CPED1: variants seen among roughly 807,000 people sequenced by gnomAD.
CPED1 encodes cadherin like and PC-esterase domain containing 1, also known as cadherin-like and PC-esterase domain-containing protein 1.
A neutral mutation model predicts 128.2 loss-of-function variants in CPED1; 114 were observed. The ratio of observed to expected loss-of-function variants is 0.89; its 90% confidence interval spans 0.76 to 1.04. The LOEUF (loss-of-function observed/expected upper bound fraction) is 1.04, where lower values mean the gene tolerates loss of function less well. CPED1 is among the 50% of genes least tolerant of loss of function. The pLI is 0.00. For missense variants in CPED1, 1,211 were observed against 1,207.1 expected (o/e 1.00, Z -0.05); for synonymous variants, 462 against 426.7 (o/e 1.08, Z -1.02).
intron 16 of CPED1, among the ~76,000 whole-genome samples, chr7:121,189,553 G>C (rs1797079841): frequency 1.3e-5 from 2 of 151,680 alleles, no homozygotes; most frequent in Non-Finnish European, 1.5e-5. Context: ...CCAACACTGG[G>C]TATTACAATT....
intron 22 of CPED1, among the ~76,000 whole-genome samples, chr7:121,274,232 A>G (rs1792289698): frequency 6.6e-6 from 1 of 152,144 alleles, no homozygotes. Flanking sequence ...AGTTCACATT[A>G]ATAGCCATGG....
Position 121,239,263 on chromosome 7 carries a change from TC to T in CPED1, c.2173+2433del, listed in dbSNP as rs1375189144. 3.3e-5 allele frequency among the ~76,000 whole-genome samples: 5 copies of T among 152,112 alleles called. No homozygotes were observed. In the East Asian group the frequency reaches 5.8e-4, roughly 18 times the overall value. ...GCTATTTGGCAAAACTGGATCTTTT[TC>T]TTTTCACTTTGCCTATGTATTGATC... On this transcript the variant is annotated intron_variant, in intron 17 of 22. Transcript: ENST00000310396.
intron 5 of CPED1, among the ~76,000 whole-genome samples, chr7:121,086,237 G>A (rs944650861): frequency 6.6e-5 from 10 of 152,112 alleles, no homozygotes; most frequent in Admixed American, 6.5e-4. Context: ...GCTATAAAAA[G>A]CAAAGATACC....
intron 4 of CPED1, among the ~76,000 whole-genome samples, chr7:121,052,950 C>T (rs1227540064): frequency 6.6e-6 from 1 of 152,034 alleles, no homozygotes; most frequent in Non-Finnish European, 1.5e-5. Context: ...AACTCCTGGC[C>T]TCAAGTGATC....
chr7:121,117,100 A>AAT (rs1240255721), intron 7 of CPED1, among the ~76,000 whole-genome samples: 3 of 70,648 alleles, frequency 4.2e-5, no homozygotes, highest in African/African-American at 1.4e-4. Context: ...TATATATATA[A>AAT]ATATATATAT....
At chr7:121,139,320 CA>C (rs1795849667) in intron 14 of CPED1, among the ~76,000 whole-genome samples, 1 of 151,554 alleles carries the variant, frequency 6.6e-6, no homozygotes, top group Non-Finnish European at 1.5e-5. Flanking sequence ...TATTATTGTT[CA>C]TAATTTATAC....
In CPED1 at chr7:121,099,911, T is replaced by G. The variant is rs1366233816; in HGVS notation, c.750-15T>G. On this transcript the variant is annotated splice_polypyrimidine_tract_variant and intron_variant, in intron 6 of 22. Coordinates refer to ENST00000310396, the MANE Select transcript of CPED1 (RefSeq NM_024913.5). ...TACATTATGGAGCGCTAACTATGTT[T>G]TTTTTTTTTTTTAGGAATGAAACGA... The G allele has an allele frequency of 4.3e-6, 3 of 693,086 alleles. No individual in the cohort carries two copies. The highest frequency in any genetic ancestry group is 1.5e-4 in the Admixed American group (2 of 13,292). The allele number at this position is 693,086 out of a possible 1,614,324, so 42.9% of individuals were successfully genotyped here. A position where few individuals can be genotyped will look rare whatever the true frequency, so the allele number is the denominator to read the frequency against.
intron 7 of CPED1, among the ~76,000 whole-genome samples, chr7:121,116,555 G>C (rs1368897925): frequency 6.6e-6 from 1 of 152,118 alleles, no homozygotes; most frequent in Non-Finnish European, 1.5e-5. Context: ...TGGGTGTAAA[G>C]GCATGTGCTT....
At chr7:121,017,913 A>G (rs1792341314) in intron 3 of CPED1, among the ~76,000 whole-genome samples, 1 of 152,146 alleles carries the variant, frequency 6.6e-6, no homozygotes, top group Non-Finnish European at 1.5e-5. Context: ...GTCAGTGTAA[A>G]TGCTGATTTG....
intron 22 of CPED1, among the ~76,000 whole-genome samples, chr7:121,286,161 C>T (rs540713918): frequency 6.6e-6 from 1 of 152,316 alleles, no homozygotes; most frequent in South Asian, 2.1e-4. Context: ...ACCATCATAT[C>T]TCCTGAGAAC....
In CPED1 at chr7:121,075,272, A is replaced by T. The variant is rs1794095643; in HGVS notation, c.616+10959A>T. Among the ~76,000 whole-genome samples, 6 of 152,308 alleles carry T rather than the reference A, an allele frequency of 3.9e-5. No individual in the cohort carries two copies. In the South Asian group the frequency reaches 1.2e-3, roughly 32 times the overall value. On this transcript the variant is annotated intron_variant, in intron 5 of 22. Transcript: ENST00000310396. ...CTCAGGAGAAAATGATTAGCATCAC[A>T]AGTCATTTTAAGCAAACACTGGAAA...
At chr7:121,009,134 T>C (rs756907930) in intron 2 of CPED1, among the ~76,000 whole-genome samples, 28 of 152,130 alleles carry the variant, frequency 1.8e-4, no homozygotes, top group Non-Finnish European at 3.2e-4. Context: ...GTTAGCTCCT[T>C]AAAGGCAGAG....
At chr7:121,014,562 T>A (rs10267397) in intron 2 of CPED1, among the ~76,000 whole-genome samples, 95,363 of 135,816 alleles carry the variant, frequency 0.7, 33,779 homozygotes, top group East Asian at 0.92. Context: ...AAAAAAAAAA[T>A]AATAATAATA....
intron 11 of CPED1, among the ~76,000 whole-genome samples, chr7:121,129,286 T>TGTATATATATATATATATACAC (rs1795588781): frequency 1.3e-5 from 1 of 76,598 alleles, no homozygotes; most frequent in African/African-American, 5.6e-5. Context: ...TGTGTATATA[T>TGTATATATATATATATATACAC]GTATATATAT....
chr7:121,059,938 GCCGTCT>G (rs993127095), intron 4 of CPED1, among the ~76,000 whole-genome samples: 25 of 152,354 alleles, frequency 1.6e-4, no homozygotes, highest in African/African-American at 5.3e-4. Flanking sequence ...CAAGACCGGA[GCCGTCT>G]CCCTCAGCTT....
intron 2 of CPED1, among the ~76,000 whole-genome samples, chr7:120,993,339 C>T (rs1455619861): frequency 6.6e-6 from 1 of 152,162 alleles, no homozygotes; most frequent in Non-Finnish European, 1.5e-5. Flanking sequence ...TACATTTATA[C>T]TCACCATAGC....
chr7:121,060,037 CG>C (rs1656002961), intron 4 of CPED1, among the ~76,000 whole-genome samples: 2 of 146,112 alleles, frequency 1.4e-5, no homozygotes, highest in Admixed American at 1.3e-4. Flanking sequence ...TCCGGGTGGG[CG>C]TGGGCTTGGC....
At chr7:121,015,969 C>T in intron 3 of CPED1, 121 bp downstream of exon 3, 2 of 609,348 alleles carry the variant, frequency 3.3e-6, no homozygotes, top group Non-Finnish European at 5.0e-6. Context: ...CCATGACCAA[C>T]TTTCTCACAT....
intron 2 of CPED1, among the ~76,000 whole-genome samples, chr7:120,995,962 TCCTCCTC>T (rs1562985586): frequency 4.2e-5 from 6 of 143,000 alleles, no homozygotes; most frequent in African/African-American, 1.6e-4. Context: ...CTCCTCCTCC[TCCTCCTC>T]CTTCTTCTTC....
Sources: allele counts gnomAD v4.1 joint callset (sites outside exome capture counted in the v4.1 genomes callset), GRCh38; gene constraint gnomAD v4.1.1; transcripts MANE v1.5; gene names NCBI Gene and HGNC (gene_info 2026-07-23, HGNC 2026-07-21).